The following EXOC4 variants were observed in gnomAD, a reference collection of about 807,000 sequenced individuals.
EXOC4 encodes the protein SEC8-like 1.
In EXOC4, 71 loss-of-function variants were observed where a neutral mutation model predicts 107.2. The observed-to-expected ratio is 0.66, with a 90% CI of 0.55 to 0.81. EXOC4 has a LOEUF of 0.81. Among genes scored for constraint, EXOC4 ranks in the 30% least tolerant of loss-of-function variants. The pLI is 0.00. For missense variants in EXOC4, 1,108 were observed against 1,189.6 expected (o/e 0.93, Z 1.01); for synonymous variants, 456 against 441.2 (o/e 1.03, Z -0.42).
intron 10 of EXOC4, among the ~76,000 whole-genome samples, chr7:133,712,844 A>T (rs772207845): frequency 2.0e-5 from 3 of 152,234 alleles, no homozygotes; most frequent in Middle Eastern, 3.2e-3. Context: ...TAAGTGAAAA[A>T]GGCCAGGCCC....
intron 14 of EXOC4, among the ~76,000 whole-genome samples, chr7:133,978,517 C>T (rs1368055279): frequency 6.6e-6 from 1 of 152,146 alleles, no homozygotes; most frequent in East Asian, 1.9e-4. Flanking sequence ...CATCAAGGCT[C>T]AGTTGGGAGA....
At chr7:133,408,099 C>T (rs944217855) in intron 7 of EXOC4, among the ~76,000 whole-genome samples, 14 of 151,526 alleles carry the variant, frequency 9.2e-5, no homozygotes, top group Admixed American at 2.0e-4. Context: ...GTGGTGGCGA[C>T]GGTAGCCATG....
chr7:133,674,909 G>T (rs982533794), intron 10 of EXOC4, among the ~76,000 whole-genome samples: 2 of 152,108 alleles, frequency 1.3e-5, no homozygotes, highest in Non-Finnish European at 2.9e-5. Flanking sequence ...ATCTAATAAA[G>T]ACAGAATTAC....
chr7:133,888,689 G>A (rs1323043249), intron 11 of EXOC4, among the ~76,000 whole-genome samples: 4 of 152,046 alleles, frequency 2.6e-5, no homozygotes, highest in Admixed American at 6.6e-5. Context: ...TGGACCCTGC[G>A]CCTACAGTGG....
At chr7:133,822,819 C>T (rs915829662) in intron 11 of EXOC4, among the ~76,000 whole-genome samples, 4 of 152,126 alleles carry the variant, frequency 2.6e-5, no homozygotes, top group South Asian at 2.1e-4. Context: ...GTCATGATAC[C>T]CAGCGTGAAG....
intron 11 of EXOC4, among the ~76,000 whole-genome samples, chr7:133,889,283 T>G (rs1014482853): frequency 6.6e-6 from 1 of 152,052 alleles, no homozygotes; most frequent in Non-Finnish European, 1.5e-5. Flanking sequence ...CTATTCTGTG[T>G]CCTTCCAGAG....
intron 10 of EXOC4, among the ~76,000 whole-genome samples, chr7:133,783,115 T>C (rs975537504): frequency 6.6e-6 from 1 of 152,212 alleles, no homozygotes; most frequent in South Asian, 2.1e-4. Flanking sequence ...ATGCCTGATA[T>C]ATGGTAGCAT....
intron 9 of EXOC4, among the ~76,000 whole-genome samples, chr7:133,571,173 G>C (rs1339084600): frequency 6.6e-6 from 1 of 152,182 alleles, no homozygotes; most frequent in African/African-American, 2.4e-5. Flanking sequence ...TCATGTAATG[G>C]TTTAGAGGAG....
chr7:133,606,270 GAGTCCAGGGTTCACT>G (rs1801943397), intron 9 of EXOC4, among the ~76,000 whole-genome samples: 2 of 151,918 alleles, frequency 1.3e-5, no homozygotes, highest in Non-Finnish European at 2.9e-5. Context: ...CTACCACAGA[GAGTCCAGGGTTCACT>G]AGTTATCTGC....
intron 7 of EXOC4, among the ~76,000 whole-genome samples, chr7:133,469,261 C>T (rs544074428): frequency 7.2e-4 from 110 of 152,086 alleles, no homozygotes; most frequent in Non-Finnish European, 1.0e-3. Context: ...ACTAAAAATA[C>T]AAAAATTAGC....
chr7:133,819,929 T>C (rs1797471456), intron 11 of EXOC4, among the ~76,000 whole-genome samples: 1 of 152,158 alleles, frequency 6.6e-6, no homozygotes, highest in Non-Finnish European at 1.5e-5. Flanking sequence ...AGTCTGTCCA[T>C]GTGCCTGTCA....
chr7:134,007,806 G>C lies in EXOC4; in HGVS notation c.2658G>C (p.Met886Ile). ...VLQQNLTNIT[M>I]SREADLDFAR... ...AGCAGAATTTGACCAACATCACCATGTCGCGGGAGGCAGACCTGGACTTTG... is the reference window on the plus strand; with the variant it reads ...AGCAGAATTTGACCAACATCACCATCTCGCGGGAGGCAGACCTGGACTTTG... Residue 886 changes from methionine (M) to isoleucine (I), a missense_variant, in exon 17 of 18, where the codon ATG (methionine) becomes ATC (isoleucine). Physicochemically the swap from Met to Ile is conservative, Grantham distance 10. Transcript: ENST00000253861. The C allele has an allele frequency of 6.2e-7, 1 of 1,613,410 alleles. No homozygotes were observed. Among genetic ancestry groups the C allele is most frequent in the South Asian group, 1.1e-5 (1 of 91,014 alleles).
At chr7:133,994,959 T>C (rs1288441134) in intron 14 of EXOC4, among the ~76,000 whole-genome samples, 1 of 152,194 alleles carries the variant, frequency 6.6e-6, no homozygotes, top group Non-Finnish European at 1.5e-5. Flanking sequence ...TAAGAAAACT[T>C]TGTAAGTTTC....
intron 13 of EXOC4, among the ~76,000 whole-genome samples, chr7:133,937,280 AT>A (rs1198592544): frequency 1.3e-5 from 2 of 151,948 alleles, no homozygotes; most frequent in Non-Finnish European, 2.9e-5. Flanking sequence ...CCCAGCATTG[AT>A]TTTTTTTAAT....
At chr7:133,638,841 A>G (rs1040763909) in intron 10 of EXOC4, among the ~76,000 whole-genome samples, 3 of 152,128 alleles carry the variant, frequency 2.0e-5, no homozygotes, top group Non-Finnish European at 4.4e-5. Context: ...TTAAGCTGAT[A>G]TTTTAGATGC....
chr7:133,490,287 C>T lies in EXOC4; in HGVS notation c.1417+10149C>T, dbSNP rs139520000. 1.4e-4 allele frequency among the ~76,000 whole-genome samples: 21 copies of T among 152,236 alleles called. No homozygotes were observed. The East Asian group carries it at 4.1e-3, about 29-fold the overall frequency. Reference sequence around the variant, plus strand: ...TGTTTTGATTCATGTTACATGCAGCCCTACTTATATCCCAGTTAATTCAGC... The same window carrying T: ...TGTTTTGATTCATGTTACATGCAGCTCTACTTATATCCCAGTTAATTCAGC... On this transcript the variant is annotated intron_variant, in intron 9 of 17. Transcript: ENST00000253861.
At chr7:133,972,061 A>AT (rs11410988) in intron 14 of EXOC4, among the ~76,000 whole-genome samples, 152,341 of 152,342 alleles carry the variant, frequency 1, 76,170 homozygotes, top group Middle Eastern at 1. Context: ...AGCCCTGTAC[A>AT]TGGTACCTTA....
intron 10 of EXOC4, among the ~76,000 whole-genome samples, chr7:133,638,697 A>G (rs1427064081): frequency 6.6e-6 from 1 of 151,940 alleles, no homozygotes; most frequent in Non-Finnish European, 1.5e-5. Context: ...AGTATAACTT[A>G]ACTCTTCCAG....
At chr7:134,092,257 A>G in the EXOC4 span, among the ~76,000 whole-genome samples, 1 of 152,178 alleles carries the variant, frequency 6.6e-6, no homozygotes, top group Non-Finnish European at 1.5e-5. Flanking sequence ...AAAAGGGTAA[A>G]TATTATGTAT....
Sources: gnomAD v4.1 joint callset for allele counts (sites outside exome capture counted in the v4.1 genomes callset) on GRCh38, gnomAD v4.1.1 for gene constraint, MANE v1.5 for transcripts, NCBI Gene and HGNC (gene_info 2026-07-23, HGNC 2026-07-21) for gene names.